DPP10: variants seen among roughly 807,000 people sequenced by gnomAD.
DPP10 encodes the protein inactive dipeptidyl peptidase 10.
DPP10 carries 33 observed loss-of-function variants against 120.9 expected under a neutral mutation model. The ratio of observed to expected loss-of-function variants is 0.27; its 90% CI spans 0.21 to 0.37. The LOEUF (loss-of-function observed/expected upper bound fraction) is 0.37. DPP10 is among the 10% of genes least tolerant of loss of function. The pLI, the probability that DPP10 is intolerant of heterozygous loss-of-function variation, is 1.00. For synonymous variants in DPP10, 337 were observed against 326.1 expected (o/e 1.03, Z -0.36); for missense variants, 816 against 942.8 (o/e 0.87, Z 1.76).
intron 1 of DPP10, among the ~76,000 whole-genome samples, chr2:114,690,900 T>C (rs1188583256): frequency 6.6e-6 from 1 of 152,060 alleles, no homozygotes; most frequent in East Asian, 1.9e-4. Context: ...ATGCTAGCAA[T>C]TTTTGCACAT....
At chr2:114,561,438 C>T (rs1322702263) in intron 1 of DPP10, among the ~76,000 whole-genome samples, 2 of 152,152 alleles carry the variant, frequency 1.3e-5, no homozygotes, top group African/African-American at 2.4e-5. Context: ...TAAACACCCA[C>T]ACACGTACAC....
At position 115,402,854 on chromosome 2, in the gene DPP10, A is replaced by AAAAAAT. The variant is rs1476901026; in HGVS notation, c.271+58943_271+58944insAAAATA. Among the ~76,000 whole-genome samples, 215 of 97,624 alleles carry AAAAAAT rather than the reference A, an allele frequency of 2.2e-3. 3 individuals carry two copies. Among genetic ancestry groups the AAAAAAT allele is most frequent in the Middle Eastern group, 0.012 (2 of 166 alleles). The allele number at this position is 97,624 out of a possible 152,430, so 64.0% of individuals were successfully genotyped here. ...AGGACACTACAAGGAAAAAAAAAAA[A>AAAAAAT]ATATATATATATATATATATATGTG... is the stretch of plus-strand genomic sequence containing the variant. On this transcript the variant is annotated intron_variant, in intron 3 of 25. Coordinates refer to ENST00000410059, the MANE Select transcript of DPP10 (RefSeq NM_020868.6).
chr2:115,167,122 G>C (rs915207854), intron 1 of DPP10, among the ~76,000 whole-genome samples: 2 of 152,136 alleles, frequency 1.3e-5, no homozygotes, highest in African/African-American at 4.8e-5. Flanking sequence ...CCTGTGAATG[G>C]AGGTGACTGC....
chr2:115,059,258 A>G (rs993178640), intron 1 of DPP10, among the ~76,000 whole-genome samples: 1 of 151,386 alleles, frequency 6.6e-6, no homozygotes, highest in African/African-American at 2.4e-5. Flanking sequence ...ACTTTAGCAT[A>G]TTTTCTTAAT....
At chr2:114,966,753 A>G (rs1699060545) in intron 1 of DPP10, among the ~76,000 whole-genome samples, 1 of 152,234 alleles carries the variant, frequency 6.6e-6, no homozygotes. Context: ...TTAAGAATAC[A>G]AGAGAAGGCT....
rs949123888 is a variant in DPP10 at position 114,637,708 on chromosome 2, G to C, written c.60+194870G>C. Among the ~76,000 whole-genome samples, 10 of 151,934 alleles carry C rather than the reference G, an allele frequency of 6.6e-5. No homozygotes were observed. The South Asian group carries it at 2.1e-3, about 32-fold the overall frequency. The stretch of plus-strand genomic sequence containing the variant: ...AGTTTTATTCTCTTGCATATGGCTA[G>C]CCTGCTATCCCAGCACCATTTATTA... On this transcript the variant is annotated intron_variant, in intron 1 of 25. Transcript: ENST00000410059.
At chr2:115,112,672 T>C (rs1467819604) in intron 1 of DPP10, among the ~76,000 whole-genome samples, 1 of 152,156 alleles carries the variant, frequency 6.6e-6, no homozygotes, top group African/African-American at 2.4e-5. Flanking sequence ...GTTGAATTCA[T>C]GAAAGTAAAG....
At chr2:114,746,270 C>A (rs1387818241) in intron 1 of DPP10, among the ~76,000 whole-genome samples, 1 of 152,172 alleles carries the variant, frequency 6.6e-6, no homozygotes, top group African/African-American at 2.4e-5. Context: ...CATAGTGACA[C>A]TTTGCTCAAT....
chr2:114,960,689 GTTT>G (rs1698547671), intron 1 of DPP10, among the ~76,000 whole-genome samples: 1 of 152,112 alleles, frequency 6.6e-6, no homozygotes, highest in South Asian at 2.1e-4. Flanking sequence ...TATCCATACA[GTTT>G]CTGCTCCAGT....
chr2:114,843,248 C>T (rs1688298746), intron 1 of DPP10, among the ~76,000 whole-genome samples: 1 of 152,084 alleles, frequency 6.6e-6, no homozygotes, highest in Non-Finnish European at 1.5e-5. Flanking sequence ...CACAAAATCT[C>T]CCTGGAGGAA....
chr2:115,018,052 T>C (rs1359388371), intron 1 of DPP10, among the ~76,000 whole-genome samples: 1 of 149,500 alleles, frequency 6.7e-6, no homozygotes, highest in African/African-American at 2.5e-5. Flanking sequence ...GGGCAAAGGA[T>C]ATGAACAGGC....
intron 1 of DPP10, among the ~76,000 whole-genome samples, chr2:114,798,995 G>A (rs185613783): frequency 4.4e-4 from 67 of 152,094 alleles, no homozygotes; most frequent in Non-Finnish European, 7.9e-4. Flanking sequence ...CAGGCATGGT[G>A]GTGCACACCT....
At chr2:115,554,144 C>CT (rs1167067853) in intron 5 of DPP10, among the ~76,000 whole-genome samples, 2 of 151,714 alleles carry the variant, frequency 1.3e-5, no homozygotes, top group Non-Finnish European at 1.5e-5. Context: ...ACTATGTGTT[C>CT]TACCTAGAAT....
At chr2:114,618,977 C>T (rs150748958) in intron 1 of DPP10, among the ~76,000 whole-genome samples, 1 of 151,934 alleles carries the variant, frequency 6.6e-6, no homozygotes, top group Non-Finnish European at 1.5e-5. Context: ...TGGACATTAT[C>T]AGGAATTGCC....
chr2:115,207,429 A>G (rs2105330800), intron 1 of DPP10, among the ~76,000 whole-genome samples: 1 of 150,554 alleles, frequency 6.6e-6, no homozygotes, highest in African/African-American at 2.4e-5. Context: ...AAAAAAAAAA[A>G]AAAAAAAAAA....
chr2:115,452,191 T>C (rs2073162718), intron 3 of DPP10, among the ~76,000 whole-genome samples: 1 of 151,978 alleles, frequency 6.6e-6, no homozygotes, highest in African/African-American at 2.4e-5. Context: ...TGAATTGACA[T>C]GCCTATGAGA....
intron 1 of DPP10, among the ~76,000 whole-genome samples, chr2:114,885,674 C>T (rs1001211635): frequency 6.6e-6 from 1 of 152,068 alleles, no homozygotes; most frequent in Admixed American, 6.5e-5. Flanking sequence ...TACTAATACC[C>T]TAGATGATTC....
intron 1 of DPP10, among the ~76,000 whole-genome samples, chr2:114,660,393 T>C (rs865807076): frequency 2.6e-5 from 4 of 152,172 alleles, no homozygotes; most frequent in Non-Finnish European, 4.4e-5. Flanking sequence ...TTACCAAAAA[T>C]CAGCAATCAC....
At chr2:115,816,051 A>G (rs968077852) in intron 21 of DPP10, among the ~76,000 whole-genome samples, 2 of 152,104 alleles carry the variant, frequency 1.3e-5, no homozygotes, top group Non-Finnish European at 2.9e-5. Flanking sequence ...TTAGTATTAT[A>G]TACAGTCAGT....
Sources: gnomAD v4.1 joint callset for allele counts (sites outside exome capture counted in the v4.1 genomes callset) on GRCh38, gnomAD v4.1.1 for gene constraint, MANE v1.5 for transcripts, NCBI Gene and HGNC (gene_info 2026-07-23, HGNC 2026-07-21) for gene names.